NFIL3: variants seen among roughly 807,000 people sequenced by gnomAD.
NFIL3 encodes the protein nuclear factor, interleukin 3 regulated.
In NFIL3, 5 loss-of-function variants were observed where a neutral mutation model predicts 10.0. That is an observed-to-expected ratio of 0.50 (90% CI 0.26 to 1.06). The LOEUF is 1.06. Among genes scored for constraint, NFIL3 ranks in the 50% least tolerant of loss-of-function variants. NFIL3 has a pLI of 0.13. For missense variants in NFIL3, 436 were observed against 547.6 expected (o/e 0.80, Z 2.03); for synonymous variants, 202 against 206.5 (o/e 0.98, Z 0.19).
the NFIL3 span, among the ~76,000 whole-genome samples, chr9:91,473,646 CCT>C: frequency 3.9e-5 from 6 of 152,230 alleles, no homozygotes; most frequent in Non-Finnish European, 7.3e-5. Flanking sequence ...GGGAATTCCC[CCT>C]GACTCCTTGT....
chr9:91,466,792 AAAGAGTGGACTTGTGATGGTT>A, the NFIL3 span, among the ~76,000 whole-genome samples: 3 of 152,164 alleles, frequency 2.0e-5, no homozygotes, highest in Admixed American at 6.6e-5. Context: ...TCAAGTTGAC[AAAGAGTGGACTTGTGATGGTT>A]AATGTTATGC....
At chr9:91,417,298 AT>A (rs905539567) in intron 1 of NFIL3, among the ~76,000 whole-genome samples, 26 of 152,322 alleles carry the variant, frequency 1.7e-4, no homozygotes, top group African/African-American at 6.0e-4. Context: ...GGAAAAAAAA[AT>A]GTCTTCAAGG....
chr9:91,424,965 C>T (rs3811125), upstream of NFIL3, among the ~76,000 whole-genome samples: 46,047 of 152,144 alleles, frequency 0.3, 7,302 homozygotes, highest in African/African-American at 0.4. Context: ...TAAGTCGTCG[C>T]GCTAGACTGT....
chr9:91,436,359 G>T, the NFIL3 span, among the ~76,000 whole-genome samples: 1 of 152,040 alleles, frequency 6.6e-6, no homozygotes, highest in Non-Finnish European at 1.5e-5. Context: ...CGGGCGGATC[G>T]CGAGGTCAGG....
the NFIL3 span, among the ~76,000 whole-genome samples, chr9:91,468,549 C>T: frequency 6.6e-6 from 1 of 152,040 alleles, no homozygotes; most frequent in Non-Finnish European, 1.5e-5. Flanking sequence ...TAATTAGATC[C>T]CATTTATCTA....
the NFIL3 span, among the ~76,000 whole-genome samples, chr9:91,477,371 G>A: frequency 6.6e-6 from 1 of 152,166 alleles, no homozygotes; most frequent in Non-Finnish European, 1.5e-5. Flanking sequence ...AAAATGCTCT[G>A]CTTTTAAAGG....
chr9:91,416,161 T>C (rs10820851), intron 1 of NFIL3, among the ~76,000 whole-genome samples: 32,340 of 146,842 alleles, frequency 0.22, 4,249 homozygotes, highest in East Asian at 0.39. Context: ...TCTTCTTCTT[T>C]TTTTTTTTTT....
chr9:91,410,637 G>C lies in NFIL3; in HGVS notation c.98C>G (p.Thr33Arg). ...DKMMVLNSAL[T>R]EVSEDSTTGE... Reference sequence around the variant, plus strand: ...TGTTGTGGAGTCTTCTGACACTTCCGTTAAAGCAGAATTAAGGACCATCAT... The same window carrying C: ...TGTTGTGGAGTCTTCTGACACTTCCCTTAAAGCAGAATTAAGGACCATCAT... The change falls in exon 2 of 2, where the codon ACG (threonine) becomes AGG (arginine). Residue 33 changes from threonine (T) to arginine (R), a missense_variant. Thr to Arg is a moderately conservative substitution (Grantham distance 71). This residue lies in a region of NFIL3 where 76 missense variants were observed against 73.0 expected (regional missense o/e 1.04). Transcript: ENST00000297689. This position sits in a 1 kb window ranked among gnomAD's most constrained non-coding sequence, Gnocchi z 5.7. 6.2e-7 allele frequency: 1 copy of C among 1,614,170 alleles called. No homozygotes were observed. The highest frequency in any genetic ancestry group is 8.5e-7 in the Non-Finnish European group (1 of 1,180,038).
intron 1 of NFIL3, among the ~76,000 whole-genome samples, chr9:91,419,405 G>A (rs1833716839): frequency 6.6e-6 from 1 of 152,196 alleles, no homozygotes; most frequent in East Asian, 1.9e-4. Flanking sequence ...TGGTGAGTCA[G>A]GCACATTGCT....
At chr9:91,443,618 G>A in the NFIL3 span, among the ~76,000 whole-genome samples, 30 of 152,312 alleles carry the variant, frequency 2.0e-4, no homozygotes, top group East Asian at 3.3e-3. Flanking sequence ...GCTCGACCAC[G>A]ACTTTGCTCC....
chr9:91,467,888 A>G, the NFIL3 span, among the ~76,000 whole-genome samples: 1 of 152,198 alleles, frequency 6.6e-6, no homozygotes, highest in Non-Finnish European at 1.5e-5. Context: ...ATGGCTGCAT[A>G]GTATTCCATG....
At chr9:91,448,084 C>G in the NFIL3 span, among the ~76,000 whole-genome samples, 9 of 152,130 alleles carry the variant, frequency 5.9e-5, no homozygotes, top group African/African-American at 2.2e-4. Flanking sequence ...AATATTCTTT[C>G]CACATTACAT....
the NFIL3 span, among the ~76,000 whole-genome samples, chr9:91,446,807 T>C: frequency 2.1e-4 from 32 of 150,328 alleles, no homozygotes; most frequent in East Asian, 5.9e-3. Flanking sequence ...TCTCTCTCTC[T>C]CTCTCTCTTT....
chr9:91,439,393 TCTAA>T, the NFIL3 span, among the ~76,000 whole-genome samples: 12,439 of 152,160 alleles, frequency 0.082, 684 homozygotes, highest in East Asian at 0.17. Context: ...ACTTATTAGT[TCTAA>T]CTGTTTTTTT....
At chr9:91,419,831 G>A (rs899341156) in intron 1 of NFIL3, among the ~76,000 whole-genome samples, 1 of 152,198 alleles carries the variant, frequency 6.6e-6, no homozygotes. Flanking sequence ...GACCTATGTC[G>A]CAAGTGTAAG....
At chr9:91,469,268 A>C in the NFIL3 span, among the ~76,000 whole-genome samples, 14 of 152,052 alleles carry the variant, frequency 9.2e-5, no homozygotes, top group Admixed American at 9.2e-4. Flanking sequence ...TTGGATTCCT[A>C]GGTATTTTAT....
Position 91,409,147 on chromosome 9 carries a change from T to G in NFIL3, c.*199A>C, listed in dbSNP as rs1336542337. On this transcript the variant is annotated 3_prime_UTR_variant, in exon 2 of 2. Transcript: ENST00000297689. Reference sequence around the variant, plus strand: ...ATATATACAGCCTTCGCATGGACTATCTGACTATACACAGGCAGAGTGATA... The same window carrying G: ...ATATATACAGCCTTCGCATGGACTAGCTGACTATACACAGGCAGAGTGATA... 9.2e-6 allele frequency: 5 copies of G among 543,118 alleles called. No homozygotes were observed. The highest frequency in any genetic ancestry group is 1.6e-5 in the Non-Finnish European group (5 of 315,282). 33.6% of individuals were successfully genotyped at this position (543,118 alleles called of 1,614,324 possible). A position where few individuals can be genotyped will look rare whatever the true frequency, so the allele number is the denominator to read the frequency against.
the NFIL3 span, among the ~76,000 whole-genome samples, chr9:91,464,948 T>C: frequency 6.6e-6 from 1 of 152,150 alleles, no homozygotes; most frequent in Non-Finnish European, 1.5e-5. Flanking sequence ...TCTTCTTTAA[T>C]GATTTTCTTT....
chr9:91,447,749 T>C, the NFIL3 span, among the ~76,000 whole-genome samples: 49 of 152,336 alleles, frequency 3.2e-4, no homozygotes, highest in African/African-American at 1.2e-3. Flanking sequence ...ATGAGTTATA[T>C]GACTTGCAAA....
Sources: allele counts gnomAD v4.1 joint callset (sites outside exome capture counted in the v4.1 genomes callset), GRCh38; gene constraint gnomAD v4.1.1; regional missense constraint gnomAD v4.1.1; non-coding constraint Gnocchi (gnomAD v3.1); transcripts MANE v1.5; gene names NCBI Gene and HGNC (gene_info 2026-07-23, HGNC 2026-07-21).